The following CAMTA1 variants were observed in gnomAD, a reference collection of about 807,000 sequenced individuals.
CAMTA1 encodes the protein calmodulin binding transcription activator 1, also known as calmodulin-binding transcription activator 1.
In CAMTA1, 27 loss-of-function variants were observed where a neutral mutation model predicts 170.9. That is an observed-to-expected ratio of 0.16 (90% CI 0.12 to 0.22). The LOEUF is 0.22. Among genes scored for constraint, CAMTA1 ranks in the 10% least tolerant of loss-of-function variants. The pLI is 1.00. For synonymous variants in CAMTA1, 833 were observed against 891.5 expected (o/e 0.93, Z 1.17); for missense variants, 1,619 against 2,217.2 (o/e 0.73, Z 5.42).
chr1:7,133,128 G>A (rs1004461596), intron 4 of CAMTA1, among the ~76,000 whole-genome samples: 4 of 151,970 alleles, frequency 2.6e-5, no homozygotes, highest in Admixed American at 6.6e-5. Context: ...TGTTTCTTCC[G>A]CTCCTATATT....
intron 3 of CAMTA1, among the ~76,000 whole-genome samples, chr1:6,985,166 G>A (rs981253892): frequency 4.6e-5 from 7 of 152,230 alleles, no homozygotes; most frequent in Admixed American, 3.3e-4. Flanking sequence ...TGTAGGGGGC[G>A]TGGGGCTGAC....
chr1:7,746,134 C>G, intron 18 of CAMTA1, 43 bp downstream of exon 18: 1 of 1,590,686 alleles, frequency 6.3e-7, no homozygotes, highest in Non-Finnish European at 8.6e-7. Context: ...TTCTTAAGAT[C>G]AGAGAGGACA....
Position 6,790,867 on chromosome 1 carries a change from C to T in CAMTA1, c.45+5292C>T, listed in dbSNP as rs72636202. On this transcript the variant is annotated intron_variant, in intron 1 of 22. Coordinates refer to ENST00000303635, the MANE Select transcript of CAMTA1 (RefSeq NM_015215.4). ...AAAAATTACTAACAATTTGAAATACCCCTTTTCTTTTTTCCTCTATTAAAT... is the reference window on the plus strand; with the variant it reads ...AAAAATTACTAACAATTTGAAATACTCCTTTTCTTTTTTCCTCTATTAAAT... Among the ~76,000 whole-genome samples the T allele has an allele frequency of 6.6e-3, 998 of 151,740 alleles. 8 individuals are homozygous for T. Among genetic ancestry groups the T allele is most frequent in the Non-Finnish European group, 8.7e-3 (591 of 67,918 alleles).
chr1:7,200,596 T>G (rs570152595), intron 4 of CAMTA1, among the ~76,000 whole-genome samples: 1 of 152,216 alleles, frequency 6.6e-6, no homozygotes, highest in African/African-American at 2.4e-5. Context: ...CCTGCTATTT[T>G]GCAGCATGTC....
chr1:7,538,722 G>A (rs952529731), intron 6 of CAMTA1, among the ~76,000 whole-genome samples: 1 of 152,184 alleles, frequency 6.6e-6, no homozygotes, highest in Admixed American at 6.5e-5. Flanking sequence ...GCCTCATTAC[G>A]ATGTAGGGGT....
chr1:7,296,725 A>G (rs1673999959), intron 5 of CAMTA1, among the ~76,000 whole-genome samples: 1 of 152,152 alleles, frequency 6.6e-6, no homozygotes, highest in Admixed American at 6.5e-5. Context: ...GTAGATGTCA[A>G]GTGGCCCATT....
chr1:7,060,129 T>C lies in CAMTA1; in HGVS notation c.235-31175T>C, dbSNP rs371399775. Among the ~76,000 whole-genome samples, 479 of 152,262 alleles carry C rather than the reference T, an allele frequency of 3.1e-3. 2 individuals are homozygous for C. The highest frequency in any genetic ancestry group is 0.011 in the African/African-American group (459 of 41,542). Reference sequence around the variant, plus strand: ...GGGGACCTTAAGACTGGCAAAATCCTTTCCTAGGGGGTGGTATGAGTATGC... The same window carrying C: ...GGGGACCTTAAGACTGGCAAAATCCCTTCCTAGGGGGTGGTATGAGTATGC... On this transcript the variant is annotated intron_variant, in intron 3 of 22. Coordinates refer to ENST00000303635, the MANE Select transcript of CAMTA1 (RefSeq NM_015215.4).
At chr1:7,470,032 C>T (rs2093301114) in intron 6 of CAMTA1, among the ~76,000 whole-genome samples, 1 of 152,210 alleles carries the variant, frequency 6.6e-6, no homozygotes, top group Non-Finnish European at 1.5e-5. Flanking sequence ...GGAGTCTCCC[C>T]GAAGGCCAGG....
At chr1:7,579,152 C>T (rs1484225174) in intron 6 of CAMTA1, among the ~76,000 whole-genome samples, 1 of 152,236 alleles carries the variant, frequency 6.6e-6, no homozygotes, top group East Asian at 1.9e-4. Flanking sequence ...GAGGGACGTG[C>T]CTGGGGGAGA....
intron 11 of CAMTA1, among the ~76,000 whole-genome samples, chr1:7,678,185 G>A (rs1346574027): frequency 6.6e-6 from 1 of 152,274 alleles, no homozygotes; most frequent in Non-Finnish European, 1.5e-5. Flanking sequence ...TCGAGAAAGA[G>A]GACGGGGAGG....
chr1:6,829,993 C>T (rs532447448), intron 3 of CAMTA1, among the ~76,000 whole-genome samples: 1 of 151,896 alleles, frequency 6.6e-6, no homozygotes, highest in Non-Finnish European at 1.5e-5. Context: ...AAAGTTTTCT[C>T]CTACGTGTAT....
chr1:6,959,613 T>C (rs1690040791), intron 3 of CAMTA1, among the ~76,000 whole-genome samples: 1 of 152,232 alleles, frequency 6.6e-6, no homozygotes, highest in Admixed American at 6.5e-5. Flanking sequence ...GGAAAGTATT[T>C]ATTGTTAATA....
intron 6 of CAMTA1, among the ~76,000 whole-genome samples, chr1:7,566,109 T>C (rs7516828): frequency 0.053 from 8,117 of 152,218 alleles, 754 homozygotes; most frequent in African/African-American, 0.19. Flanking sequence ...AATTCAGCCA[T>C]AGCACCTTGA....
intron 5 of CAMTA1, among the ~76,000 whole-genome samples, chr1:7,309,286 AAT>A (rs1557486821): frequency 1.7e-4 from 25 of 142,968 alleles, no homozygotes; most frequent in East Asian, 6.2e-4. Context: ...GCAGTTAGAA[AAT>A]TTTTTTTTTT....
intron 6 of CAMTA1, among the ~76,000 whole-genome samples, chr1:7,498,835 G>C (rs1465082722): frequency 6.7e-6 from 1 of 149,820 alleles, no homozygotes; most frequent in Non-Finnish European, 1.5e-5. Flanking sequence ...GTGTGAGCCT[G>C]GTGTGCGTGT....
chr1:6,924,171 G>A (rs1040387865), intron 3 of CAMTA1, among the ~76,000 whole-genome samples: 7 of 152,234 alleles, frequency 4.6e-5, no homozygotes, highest in Non-Finnish European at 1.5e-5. Flanking sequence ...CTGTTCCCGG[G>A]ACTGGGTGTG....
intron 11 of CAMTA1, among the ~76,000 whole-genome samples, chr1:7,718,848 C>G (rs1244828248): frequency 1.0e-5 from 1 of 95,278 alleles, no homozygotes; most frequent in African/African-American, 3.9e-5. Flanking sequence ...TGAGCCCGGT[C>G]AGCCCTTTTT....
chr1:7,682,293 C>T lies in CAMTA1; in HGVS notation c.2914+4560C>T, dbSNP rs1214932766. Among the ~76,000 whole-genome samples the T allele has an allele frequency of 2.0e-5, 3 of 152,250 alleles. No homozygotes were observed. Among genetic ancestry groups the T allele is most frequent in the Admixed American group, 6.5e-5 (1 of 15,294 alleles). On this transcript the variant is annotated intron_variant, in intron 11 of 22. Transcript: ENST00000303635. This position sits in a 1 kb window ranked among gnomAD's most constrained non-coding sequence, Gnocchi z 5.0. The stretch of plus-strand genomic sequence containing the variant: ...AAGGTGGGTGAGCCCAGACAGCTTG[C>T]CCCTGCAGCTGGCCAGAGACAGACG...
At chr1:7,727,420 C>A (rs1386859400) in intron 11 of CAMTA1, among the ~76,000 whole-genome samples, 1 of 152,202 alleles carries the variant, frequency 6.6e-6, no homozygotes, top group Non-Finnish European at 1.5e-5. Context: ...CCGCGCCCAG[C>A]CTCTGCTTTG....
Sources: allele counts gnomAD v4.1 joint callset (sites outside exome capture counted in the v4.1 genomes callset), GRCh38; gene constraint gnomAD v4.1.1; non-coding constraint Gnocchi (gnomAD v3.1); transcripts MANE v1.5; gene names NCBI Gene and HGNC (gene_info 2026-07-23, HGNC 2026-07-21).